The following DROSHA variants were observed in gnomAD, a reference collection of about 807,000 sequenced individuals.
The protein encoded by DROSHA is ribonuclease 3.
In DROSHA, 56 loss-of-function variants were observed where a neutral mutation model predicts 181.9. That is an observed-to-expected ratio of 0.31 (90% CI 0.25 to 0.38). The LOEUF (loss-of-function observed/expected upper bound fraction) is 0.38. DROSHA is among the 10% of genes least tolerant of loss of function. DROSHA has a pLI of 1.00. For synonymous variants in DROSHA, 524 were observed against 591.2 expected, an observed-to-expected ratio of 0.89 and a Z score of 1.65; for missense variants, 1,218 against 1,743.5, an observed-to-expected ratio of 0.70 and a Z score of 5.37.
chr5:31,444,051 C>A (rs1046321170), intron 23 of DROSHA, among the ~76,000 whole-genome samples: 1 of 152,156 alleles, frequency 6.6e-6, no homozygotes, highest in Non-Finnish European at 1.5e-5. Context: ...CAAATACCAG[C>A]AGGATTTGAG....
intron 16 of DROSHA, among the ~76,000 whole-genome samples, chr5:31,479,039 C>G (rs904400501): frequency 1.3e-5 from 2 of 151,912 alleles, no homozygotes; most frequent in Admixed American, 1.3e-4. Context: ...GAATTATAAA[C>G]AAATTAATGT....
In DROSHA at chr5:31,514,329, G is replaced by T. The variant is rs9292433; in HGVS notation, c.1290+659C>A. Reference sequence around the variant, plus strand: ...AAGCTTATGAAACCACCAGTACTGAGACTACCAGTATCATTAAAAATGTAG... The same window carrying T: ...AAGCTTATGAAACCACCAGTACTGATACTACCAGTATCATTAAAAATGTAG... On this transcript the variant is annotated intron_variant, in intron 8 of 35. Transcript: ENST00000344624. The surrounding 1 kb of genome is among the most constrained non-coding windows in gnomAD (Gnocchi z 4.4). Among the ~76,000 whole-genome samples, 88,882 of 151,734 alleles carry T rather than the reference G, an allele frequency of 0.59. 27,081 individuals carry two copies. The highest frequency in any genetic ancestry group is 0.8 in the East Asian group (4,146 of 5,164).
At chr5:31,481,856 G>C (rs1219395813) in intron 16 of DROSHA, among the ~76,000 whole-genome samples, 1 of 152,206 alleles carries the variant, frequency 6.6e-6, no homozygotes, top group Non-Finnish European at 1.5e-5. Context: ...GAGCAGGGAA[G>C]AGACTAACAC....
At chr5:31,478,829 T>C (rs1187628511) in intron 16 of DROSHA, among the ~76,000 whole-genome samples, 1 of 152,218 alleles carries the variant, frequency 6.6e-6, no homozygotes, top group African/African-American at 2.4e-5. Context: ...GAACTACAAA[T>C]TGGTATGTCC....
intron 25 of DROSHA, among the ~76,000 whole-genome samples, chr5:31,431,964 T>C (rs1022479606): frequency 6.6e-6 from 1 of 152,124 alleles, no homozygotes; most frequent in Non-Finnish European, 1.5e-5. Context: ...CAATTCCAAG[T>C]TCAGATCAAG....
chr5:31,462,355 G>A (rs1748499330), intron 20 of DROSHA, among the ~76,000 whole-genome samples: 1 of 152,146 alleles, frequency 6.6e-6, no homozygotes, highest in Non-Finnish European at 1.5e-5. Context: ...AAGAGTGAGA[G>A]TTCTACAGAG....
At chr5:31,528,003 C>A (rs934245896) in intron 4 of DROSHA, among the ~76,000 whole-genome samples, 2 of 152,168 alleles carry the variant, frequency 1.3e-5, no homozygotes, top group Non-Finnish European at 2.9e-5. Context: ...CCCCAGCCCC[C>A]ACCCCCATGG....
intron 35 of DROSHA, among the ~76,000 whole-genome samples, chr5:31,403,682 CCCATTAAATAGACACAT>C (rs1409316033): frequency 1.3e-4 from 20 of 152,266 alleles, no homozygotes; most frequent in African/African-American, 1.9e-4. Context: ...GACAGACACA[CCCATTAAATAGACACAT>C]CCATTAGTTT....
intron 9 of DROSHA, among the ~76,000 whole-genome samples, chr5:31,509,480 G>A (rs1319288987): frequency 2.0e-5 from 3 of 152,190 alleles, no homozygotes; most frequent in Non-Finnish European, 2.9e-5. Context: ...TGTGACCCAG[G>A]CACTGCAACA....
rs1739991963 is a variant in DROSHA, at chr5:31,401,500, T to C, written c.4057A>G (p.Lys1353Glu). The stretch of plus-strand genomic sequence containing the variant: ...TGCTCTCTTTCCCACCTCATTTCTT[T>C]TAACTCTTGTCTGTACTTCCGTTCG... Reference protein sequence around the residue: ...FIERKYRQELKEMRWEREHQE... With the variant: ...FIERKYRQELEEMRWEREHQE... Residue 1353 changes from lysine to glutamate, a missense_variant, in exon 36 of 36, where the codon AAA (lysine) becomes GAA (glutamate). By Grantham distance (56) the Lys-to-Glu change is moderately conservative (BLOSUM62 1). This residue lies in a region of DROSHA where 32 missense variants were observed against 29.2 expected (regional missense o/e 1.09). Transcript: ENST00000344624. 7 of 1,612,912 alleles carry C rather than the reference T, an allele frequency of 4.3e-6. No homozygotes were observed. The highest frequency in any genetic ancestry group is 1.3e-5 in the African/African-American group (1 of 74,896).
At chr5:31,404,742 C>A (rs552049207) in intron 35 of DROSHA, among the ~76,000 whole-genome samples, 3 of 152,146 alleles carry the variant, frequency 2.0e-5, no homozygotes, top group Non-Finnish European at 4.4e-5. Context: ...ACGCATCCCA[C>A]TCCTGGGAAC....
chr5:31,493,894 G>C (rs1358621338), intron 12 of DROSHA, among the ~76,000 whole-genome samples: 1 of 150,998 alleles, frequency 6.6e-6, no homozygotes, highest in African/African-American at 2.4e-5. Flanking sequence ...ATCAATCTAA[G>C]CATGAAGCCC....
At position 31,486,692 on chromosome 5, in the gene DROSHA, A is replaced by G. The variant is rs1157960819; in HGVS notation, c.1843-130T>C. 9 of 670,420 alleles carry G rather than the reference A, an allele frequency of 1.3e-5. No individual in the cohort carries two copies. In the East Asian group the frequency reaches 2.5e-4, roughly 19 times the overall value. 41.5% of individuals were successfully genotyped at this position (670,420 alleles called of 1,614,324 possible). ...CTTCACCTTCATCTCAGCGGCTAAC[A>G]ACACTGCACATGAAGCTTGACCACA... On this transcript the variant is annotated intron_variant, in intron 13 of 35. Transcript: ENST00000344624.
intron 9 of DROSHA, among the ~76,000 whole-genome samples, chr5:31,510,042 C>T (rs1167394203): frequency 3.2e-5 from 3 of 92,756 alleles, no homozygotes; most frequent in African/African-American, 8.2e-5. Flanking sequence ...TTATATTTTA[C>T]CACAATTTGA....
chr5:31,452,333 T>C (rs1747128304), intron 20 of DROSHA, among the ~76,000 whole-genome samples: 1 of 152,192 alleles, frequency 6.6e-6, no homozygotes, highest in African/African-American at 2.4e-5. Flanking sequence ...ACCCTAAGTT[T>C]GACATTTAAT....
At position 31,514,376 on chromosome 5, in the gene DROSHA, C is replaced by T. The variant is rs968337442; in HGVS notation, c.1290+612G>A. Among the ~76,000 whole-genome samples, 6 of 152,102 alleles carry T rather than the reference C, an allele frequency of 3.9e-5. No homozygotes were observed. The highest frequency in any genetic ancestry group is 9.7e-5 in the African/African-American group (4 of 41,416). The stretch of plus-strand genomic sequence containing the variant: ...GTAGAATAGGCTGGGCACAGTGGCT[C>T]ACACCTGTAATCCCAGCACTTTGGG... On this transcript the variant is annotated intron_variant, in intron 8 of 35. Coordinates refer to ENST00000344624, the MANE Select transcript of DROSHA (RefSeq NM_001382508.1). This position sits in a 1 kb window ranked among gnomAD's most constrained non-coding sequence, Gnocchi z 4.4.
intron 20 of DROSHA, among the ~76,000 whole-genome samples, chr5:31,463,682 TAGTC>T (rs1384119910): frequency 1.3e-5 from 2 of 152,210 alleles, no homozygotes; most frequent in Non-Finnish European, 2.9e-5. Flanking sequence ...AAATGCTTAT[TAGTC>T]AGTCAGTTAC....
intron 13 of DROSHA, among the ~76,000 whole-genome samples, chr5:31,492,421 T>C (rs555659796): frequency 5.5e-4 from 84 of 152,350 alleles, no homozygotes; most frequent in African/African-American, 1.9e-3. Context: ...AAATAATTTT[T>C]CAAATTGCAG....
Position 31,435,807 on chromosome 5 carries a change from C to T in DROSHA, c.3000G>A (p.Arg1000=), listed in dbSNP as rs1163762002. 1 of 1,613,838 alleles carries T rather than the reference C, an allele frequency of 6.2e-7. No homozygotes were observed. The highest frequency in any genetic ancestry group is 8.5e-7 in the Non-Finnish European group (1 of 1,179,838). Residue 1000 remains arginine, a synonymous_variant, in exon 25 of 36, where the codon CGG becomes CGA. Transcript: ENST00000344624. ...GGTGCTGATTCTGAACAATGGCAGT[C>T]CGATAGGTTGCTAATCCTCCTTCTT... The part of the protein sequence containing the change: ...SLEEGGLATY[R]TAIVQNQHLA...
Sources: gnomAD v4.1 joint callset for allele counts (sites outside exome capture counted in the v4.1 genomes callset) on GRCh38, gnomAD v4.1.1 for gene constraint, gnomAD v4.1.1 regional missense constraint, Gnocchi (gnomAD v3.1) non-coding constraint, MANE v1.5 for transcripts, NCBI Gene and HGNC (gene_info 2026-07-23, HGNC 2026-07-21) for gene names.